Variants in COL2A1 observed in about 807,000 individuals in gnomAD.
COL2A1 encodes collagen alpha-1(II) chain.
A neutral mutation model predicts 204.5 loss-of-function variants in COL2A1; 28 were observed. The observed-to-expected ratio is 0.14, with a 90% CI of 0.10 to 0.19. The LOEUF is 0.19. Among genes scored for constraint, COL2A1 ranks in the 10% least tolerant of loss-of-function variants. The pLI is 1.00. For synonymous variants in COL2A1, 708 were observed against 718.7 expected, an observed-to-expected ratio of 0.99 and a Z score of 0.24; for missense variants, 1,388 against 2,027.5, an observed-to-expected ratio of 0.68 and a Z score of 6.06.
chr12:47,994,573 C>G, intron 11 of COL2A1, 96 bp from the exon 12 acceptor site: 1 of 1,306,562 alleles, frequency 7.7e-7, no homozygotes, highest in Non-Finnish European at 1.1e-6. Context: ...CCCTCCATGC[C>G]TTTGCCTACC....
Position 47,987,488 on chromosome 12 carries a change from G to T in COL2A1, c.1221+123C>A. ...GGGAATACATCTAGAGGTGGGGACA[G>T]GCATTGGGCCAGAATGAAGGTTTGG... On this transcript the variant is annotated intron_variant, in intron 19 of 53. Coordinates refer to ENST00000380518, the MANE Select transcript of COL2A1 (RefSeq NM_001844.5). This position sits in a 1 kb window ranked among gnomAD's most constrained non-coding sequence, Gnocchi z 4.1. The T allele has an allele frequency of 9.5e-7, 1 of 1,050,612 alleles. No individual in the cohort carries two copies. Among genetic ancestry groups the T allele is most frequent in the Non-Finnish European group, 1.4e-6 (1 of 692,418 alleles). 65.1% of individuals were successfully genotyped at this position (1,050,612 alleles called of 1,614,324 possible). A position where few individuals can be genotyped will look rare whatever the true frequency, so the allele number is the denominator to read the frequency against.
rs759068565 is a variant in COL2A1 at position 48,004,372 on chromosome 12, C to T, written c.-51G>A. On this transcript the variant is annotated 5_prime_UTR_variant, in exon 1 of 54. Transcript: ENST00000380518. Reference sequence around the variant, plus strand: ...CGGGCCCGGGCGGAGCGCAGCGAAACGGCAGGAGCACGGCGCGGGTCCGGG... The same window carrying T: ...CGGGCCCGGGCGGAGCGCAGCGAAATGGCAGGAGCACGGCGCGGGTCCGGG... 8.5e-7 allele frequency: 1 copy of T among 1,177,578 alleles called. No homozygotes were observed. 72.9% of individuals were successfully genotyped at this position (1,177,578 alleles called of 1,614,324 possible).
chr12:47,988,674 A>G (rs740023), intron 18 of COL2A1, among the ~76,000 whole-genome samples: 6,907 of 152,308 alleles, frequency 0.045, 237 homozygotes, highest in Non-Finnish European at 0.073. Context: ...TTCACACTGG[A>G]ATCCTTCCTG....
rs1939358516 is a variant in COL2A1 at position 47,985,728 on chromosome 12, C to T, written c.1680G>A (p.Arg560=). 1.2e-6 allele frequency: 2 copies of T among 1,613,934 alleles called. No individual in the cohort carries two copies. Among genetic ancestry groups the T allele is most frequent in the African/African-American group, 1.3e-5 (1 of 75,032 alleles). ...RPGEPGLPGA[R]GLTGRPGDAG... ...GGGCAACAGCAGCTCTGCTACTTAC[C>T]CGGGCTCCAGGAAGGCCAGGTTCTC... The change falls in exon 25 of 54, where the codon CGG becomes CGA. Residue 560 remains arginine, a splice_region_variant and synonymous_variant. Coordinates refer to ENST00000380518, the MANE Select transcript of COL2A1 (RefSeq NM_001844.5).
Position 47,981,817 on chromosome 12 carries a change from G to T in COL2A1, c.2368C>A (p.Pro790Thr). Residue 790 changes from proline to threonine, a missense_variant, in exon 36 of 54, where the codon CCC (proline) becomes ACC (threonine). Physicochemically the swap from Pro to Thr is conservative, Grantham distance 38 (BLOSUM62 -1). Coordinates refer to ENST00000380518, the MANE Select transcript of COL2A1 (RefSeq NM_001844.5). Reference sequence around the variant, plus strand: ...CCAGCTGGGCCAGGGGGGCCAATGGGACCTGTCAGGCCCTGCGGGGAGAGC... The same window carrying T: ...CCAGCTGGGCCAGGGGGGCCAATGGTACCTGTCAGGCCCTGCGGGGAGAGC... ...GKDGGRGLTG[P>T]IGPPGPAGAN... 1 of 1,554,510 alleles carries T rather than the reference G, an allele frequency of 6.4e-7. No homozygotes were observed. The highest frequency in any genetic ancestry group is 1.2e-5 in the South Asian group (1 of 84,364).
At position 47,980,729 on chromosome 12, in the gene COL2A1, C is replaced by T. The variant is rs550636300; in HGVS notation, c.2518-68G>A. 1.5e-3 allele frequency: 2,191 copies of T among 1,507,824 alleles called. 6 individuals carry two copies. Among genetic ancestry groups the T allele is most frequent in the Non-Finnish European group, 1.8e-3 (1,951 of 1,102,420 alleles). 93.4% of individuals were successfully genotyped at this position (1,507,824 alleles called of 1,614,324 possible). ...AAACCCTGGAGCTCTTCCAGAAGAGCAGGAGACTCTGTGAGTATCTGCGTG... is the reference window on the plus strand; with the variant it reads ...AAACCCTGGAGCTCTTCCAGAAGAGTAGGAGACTCTGTGAGTATCTGCGTG... On this transcript the variant is annotated intron_variant, in intron 38 of 53. Coordinates refer to ENST00000380518, the MANE Select transcript of COL2A1 (RefSeq NM_001844.5). The surrounding 1 kb of genome is among the most constrained non-coding windows in gnomAD (Gnocchi z 4.5).
chr12:47,992,169 G>A (rs1384010160), intron 16 of COL2A1, among the ~76,000 whole-genome samples: 1 of 152,128 alleles, frequency 6.6e-6, no homozygotes, highest in Non-Finnish European at 1.5e-5. Flanking sequence ...AGGAATCAGA[G>A]CTAAACGCCT....
At chr12:48,003,436 A>G (rs1160380038) in intron 1 of COL2A1, among the ~76,000 whole-genome samples, 40 of 151,974 alleles carry the variant, frequency 2.6e-4, no homozygotes, top group Non-Finnish European at 5.9e-5. Context: ...ACCGCGGGGA[A>G]GGGGGCGCTA....
At chr12:47,982,267 A>G (rs1438192117) in intron 34 of COL2A1, 107 bp from the exon 35 acceptor site, 2 of 1,046,712 alleles carry the variant, frequency 1.9e-6, no homozygotes, top group East Asian at 4.8e-5. Context: ...TCCCTGCCCA[A>G]GAGGAATTTG....
At chr12:48,004,632 G>A, upstream of COL2A1, 1 of 258,882 alleles carries the variant, frequency 3.9e-6, no homozygotes, top group Non-Finnish European at 7.4e-6. Context: ...GCCCGCACCT[G>A]CCCAAGCCGG....
At chr12:47,998,568 C>A in intron 2 of COL2A1, 137 bp from the exon 3 acceptor site, 1 of 870,672 alleles carries the variant, frequency 1.1e-6, no homozygotes, top group Non-Finnish European at 1.8e-6. Flanking sequence ...TCCTGTGACT[C>A]CACTGAACCC....
At chr12:47,975,933 C>T (rs200819477) in intron 50 of COL2A1, 30 bp downstream of exon 50, 4 of 1,545,520 alleles carry the variant, frequency 2.6e-6, no homozygotes, top group Admixed American at 1.7e-5. Context: ...AGGGACACCT[C>T]GACAGCAGGG....
At position 47,987,283 on chromosome 12, in the gene COL2A1, C is replaced by T. The variant is rs1939477656; in HGVS notation, c.1252G>A (p.Ala418Thr). The change falls in exon 20 of 54, where the codon GCC (alanine) becomes ACC (threonine). Residue 418 changes from alanine to threonine, a missense_variant. By Grantham distance (58) the Ala-to-Thr change is moderately conservative. Coordinates refer to ENST00000380518, the MANE Select transcript of COL2A1 (RefSeq NM_001844.5). This position sits in a 1 kb window ranked among gnomAD's most constrained non-coding sequence, Gnocchi z 4.1. ...GCAACACTCACAGCAGATCCTTTGG[C>T]TCCAGGAATTCCATCTGTTCCAGGG... ...GNPGTDGIPG[A>T]KGSAGAPGIA... 1 of 1,614,112 alleles carries T rather than the reference C, an allele frequency of 6.2e-7. No individual in the cohort carries two copies. The highest frequency in any genetic ancestry group is 1.3e-5 in the African/African-American group (1 of 75,004).
Position 47,974,321 on chromosome 12 carries a change from C to T in COL2A1, c.4085G>A (p.Gly1362Glu). The T allele has an allele frequency of 6.2e-7, 1 of 1,613,984 alleles. No homozygotes were observed. The highest frequency in any genetic ancestry group is 8.5e-7 in the Non-Finnish European group (1 of 1,180,012). ...AGTGTTGGGAGCCAGATTGTCATCT[C>T]CATAGCTGAACTGTTGGGGCAGAGA... ...TINGGFHFSY[G>E]DDNLAPNTAN... is the part of the protein sequence containing the mutation. The change falls in exon 53 of 54, where the codon GGA becomes GAA. Residue 1362 changes from glycine to glutamate, a missense_variant. Gly to Glu is a moderately conservative substitution (Grantham distance 98, BLOSUM62 -2). Coordinates refer to ENST00000380518, the MANE Select transcript of COL2A1 (RefSeq NM_001844.5).
chr12:47,978,161 C>A lies in COL2A1; in HGVS notation c.3004-44G>T, dbSNP rs376761309. 83 of 1,593,118 alleles carry A rather than the reference C, an allele frequency of 5.2e-5. No homozygotes were observed. The African/African-American group carries it at 1.0e-3, about 20-fold the overall frequency. ...GGATGATGAGTGCAAGTGGTAAGCA[C>A]CCCTGCCCAGGGCCCACTGACCCTT... On this transcript the variant is annotated intron_variant, in intron 43 of 53. Transcript: ENST00000380518. This position sits in a 1 kb window ranked among gnomAD's most constrained non-coding sequence, Gnocchi z 5.5.
Position 47,975,948 on chromosome 12 carries a change from A to G in COL2A1, c.3597+15T>C. 1 of 1,590,450 alleles carries G rather than the reference A, an allele frequency of 6.3e-7. No individual in the cohort carries two copies. The highest frequency in any genetic ancestry group is 8.6e-7 in the Non-Finnish European group (1 of 1,158,306). On this transcript the variant is annotated intron_variant, in intron 50 of 53. Transcript: ENST00000380518. ...AGGGACACCTCGACAGCAGGGAAGG[A>G]GTCAGGACACTTACAGCAGGGCCGG...
chr12:47,989,137 G>T, intron 18 of COL2A1, 91 bp downstream of exon 18: 1 of 1,074,880 alleles, frequency 9.3e-7, no homozygotes, highest in Non-Finnish European at 1.4e-6. Flanking sequence ...AAGGGAGCAG[G>T]TGGTTGTTGA....
intron 23 of COL2A1, 24 bp downstream of exon 23, chr12:47,986,312 A>C: frequency 4.1e-6 from 6 of 1,446,674 alleles, no homozygotes; most frequent in Non-Finnish European, 5.7e-6. Context: ...GCCCCATGGG[A>C]TGGAGCCTCC....
chr12:47,975,863 T>G, intron 50 of COL2A1, 100 bp downstream of exon 50: 2 of 942,836 alleles, frequency 2.1e-6, no homozygotes, highest in Non-Finnish European at 3.5e-6. Flanking sequence ...CACTGTTAGC[T>G]GCAGGCTGAT....
Sources: gnomAD v4.1 joint callset for allele counts (sites outside exome capture counted in the v4.1 genomes callset) on GRCh38, gnomAD v4.1.1 for gene constraint, Gnocchi (gnomAD v3.1) non-coding constraint, MANE v1.5 for transcripts, NCBI Gene and HGNC (gene_info 2026-07-23, HGNC 2026-07-21) for gene names.